The following LTBP2 variants were observed in gnomAD, a reference collection of about 807,000 sequenced individuals.
The protein encoded by LTBP2 is latent transforming growth factor beta binding protein 2.
Under a neutral mutation model 210.6 loss-of-function variants are expected in LTBP2, and 103 were observed. That is an observed-to-expected ratio of 0.49 (90% CI 0.42 to 0.58). LTBP2 has a LOEUF of 0.58. LTBP2 is among the 20% of genes least tolerant of loss of function. The pLI, the probability that LTBP2 is intolerant of heterozygous loss-of-function variation, is 0.00. For missense variants in LTBP2, 2,313 were observed against 2,494.5 expected, an observed-to-expected ratio of 0.93 and a Z score of 1.55; for synonymous variants, 1,007 against 1,015.0, an observed-to-expected ratio of 0.99 and a Z score of 0.15.
chr14:74,519,051 G>GAAGA (rs1273508901), intron 17 of LTBP2, among the ~76,000 whole-genome samples: 2 of 152,222 alleles, frequency 1.3e-5, no homozygotes, highest in East Asian at 3.8e-4. Flanking sequence ...ACAGCCATAT[G>GAAGA]AAGATGGACT....
In LTBP2 at chr14:74,521,979, C is replaced by T. The variant is rs772892214; in HGVS notation, c.2720G>A (p.Gly907Glu). Residue 907 changes from glycine to glutamate, a missense_variant, in exon 17 of 36, where the codon GGG becomes GAG. By Grantham distance (98) the Gly-to-Glu change is moderately conservative. Transcript: ENST00000261978. ...AGGGTAGCAGAAGCAGGAGTAGGACCCCACGCGGTTGATGCAGCGCCCTTT... is the reference window on the plus strand; with the variant it reads ...AGGGTAGCAGAAGCAGGAGTAGGACTCCACGCGGTTGATGCAGCGCCCTTT... Reference protein sequence around the residue: ...KGKGRCINRVGSYSCFCYPGY... With the variant: ...KGKGRCINRVESYSCFCYPGY... 13 of 1,614,024 alleles carry T rather than the reference C, an allele frequency of 8.1e-6. No homozygotes were observed. The highest frequency in any genetic ancestry group is 8.0e-5 in the African/African-American group (6 of 74,924).
At chr14:74,541,575 G>C (rs2087508939) in intron 8 of LTBP2, among the ~76,000 whole-genome samples, 1 of 152,104 alleles carries the variant, frequency 6.6e-6, no homozygotes, top group Non-Finnish European at 1.5e-5. Context: ...AGGCAGTCTA[G>C]CTCCAGAGGA....
chr14:74,500,712 A>C lies in LTBP2; in HGVS notation c.*172T>G. On this transcript the variant is annotated 3_prime_UTR_variant, in exon 36 of 36. Coordinates refer to ENST00000261978, the MANE Select transcript of LTBP2 (RefSeq NM_000428.3). ...TGAGCCAAGCAAGGGCATGGAGGCA[A>C]TGACCGAAGCTTACAGCCAGAGGCT... 1.2e-6 allele frequency: 1 copy of C among 836,750 alleles called. No individual in the cohort carries two copies. The highest frequency in any genetic ancestry group is 1.9e-6 in the Non-Finnish European group (1 of 513,732). 51.8% of individuals were successfully genotyped at this position (836,750 alleles called of 1,614,324 possible).
rs879770320 is a variant in LTBP2 at position 74,555,833 on chromosome 14, C to T, written c.831-140G>A. ...CTTCTCACCCATGTATGGCTGACTC[C>T]CAGACATGAAGGTGCCCTGAGGCAG... is the stretch of plus-strand genomic sequence containing the variant. On this transcript the variant is annotated intron_variant, in intron 3 of 35. Transcript: ENST00000261978. The T allele has an allele frequency of 8.9e-6, 5 of 561,928 alleles. No homozygotes were observed. The East Asian group carries it at 1.7e-4, about 19-fold the overall frequency. The allele number at this position is 561,928 out of a possible 1,614,324, so 34.8% of individuals were successfully genotyped here.
chr14:74,573,939 G>T (rs1467077291), intron 3 of LTBP2, among the ~76,000 whole-genome samples: 3 of 152,146 alleles, frequency 2.0e-5, no homozygotes, highest in Non-Finnish European at 4.4e-5. Context: ...CACGACTGGG[G>T]AGTAACCGAG....
intron 7 of LTBP2, 21 bp from the exon 8 acceptor site, chr14:74,549,986 C>T: frequency 1.4e-6 from 2 of 1,442,346 alleles, no homozygotes; most frequent in Non-Finnish European, 2.0e-6. Context: ...AGGCCATGGA[C>T]ACCTGTGACC....
intron 3 of LTBP2, among the ~76,000 whole-genome samples, chr14:74,575,867 TG>T (rs2139777311): frequency 6.6e-6 from 1 of 152,378 alleles, no homozygotes; most frequent in Admixed American, 6.5e-5. Flanking sequence ...CCATTGGATC[TG>T]GCTGGAGGCC....
chr14:74,526,250 T>C, intron 13 of LTBP2, 136 bp from the exon 14 acceptor site: 1 of 859,726 alleles, frequency 1.2e-6, no homozygotes, highest in Non-Finnish European at 1.9e-6. Context: ...CAGGTATTGA[T>C]GAGTTCTTAC....
intron 4 of LTBP2, among the ~76,000 whole-genome samples, chr14:74,554,135 C>T (rs925116289): frequency 3.3e-5 from 5 of 152,016 alleles, no homozygotes; most frequent in African/African-American, 1.2e-4. Context: ...CTCAAGATGG[C>T]GTGAAAGGAA....
chr14:74,504,590 C>T (rs1204238157), intron 30 of LTBP2, among the ~76,000 whole-genome samples, 188 bp downstream of exon 30: 2 of 152,204 alleles, frequency 1.3e-5, no homozygotes, highest in Non-Finnish European at 2.9e-5. Context: ...CTCATGTGGA[C>T]ACTCCAAGAG....
At chr14:74,568,863 C>T (rs1181446484) in intron 3 of LTBP2, among the ~76,000 whole-genome samples, 2 of 152,182 alleles carry the variant, frequency 1.3e-5, no homozygotes, top group African/African-American at 4.8e-5. Flanking sequence ...GTCTGGGCCT[C>T]ATCCTATGAA....
chr14:74,577,504 CTTTT>C (rs397948520), intron 3 of LTBP2, among the ~76,000 whole-genome samples: 1 of 135,958 alleles, frequency 7.4e-6, no homozygotes, highest in East Asian at 2.1e-4. Context: ...ACCATTATCT[CTTTT>C]TTTTTTTTTT....
intron 18 of LTBP2, among the ~76,000 whole-genome samples, chr14:74,513,532 G>T (rs2087097832): frequency 6.6e-6 from 1 of 152,230 alleles, no homozygotes; most frequent in Non-Finnish European, 1.5e-5. Flanking sequence ...GCTGGGCATG[G>T]TGACTCGCGC....
chr14:74,561,587 CT>C (rs1210921166), intron 3 of LTBP2, among the ~76,000 whole-genome samples: 1 of 152,082 alleles, frequency 6.6e-6, no homozygotes, highest in Non-Finnish European at 1.5e-5. Flanking sequence ...GTGTGTGTAC[CT>C]CCTATTTTAA....
At position 74,507,331 on chromosome 14, in the gene LTBP2, T is replaced by G. The variant is rs2087005105; in HGVS notation, c.3776-21A>C. 3.7e-6 allele frequency: 6 copies of G among 1,613,568 alleles called. No homozygotes were observed. The South Asian group carries it at 5.5e-5, about 15-fold the overall frequency. On this transcript the variant is annotated intron_variant, in intron 25 of 35. Coordinates refer to ENST00000261978, the MANE Select transcript of LTBP2 (RefSeq NM_000428.3). Reference sequence around the variant, plus strand: ...AATATCTGTCCCCAGAGCCATGCCATGAGAGAGGACAGAGGTGGCCAGGTC... The same window carrying G: ...AATATCTGTCCCCAGAGCCATGCCAGGAGAGAGGACAGAGGTGGCCAGGTC...
rs747686682 is a variant in LTBP2, at chr14:74,552,353, G to A, written c.1233C>T (p.Ile411=). 2.5e-5 allele frequency: 41 copies of A among 1,611,358 alleles called. No individual in the cohort carries two copies. Among genetic ancestry groups the A allele is most frequent in the Admixed American group, 5.0e-5 (3 of 59,998 alleles). Residue 411 remains isoleucine, a synonymous_variant, in exon 6 of 36, where the codon ATC becomes ATT. Transcript: ENST00000261978. ...CGGGGCACCAGCATTCGTCCCTGCC[G>A]ATGCAGCGGCCTCCGTTCAGGCAGG... ...QIPCLNGGRC[I]GRDECWCPAN...
At chr14:74,552,425 T>C in intron 5 of LTBP2, 32 bp from the exon 6 acceptor site, 1 of 1,588,718 alleles carries the variant, frequency 6.3e-7, no homozygotes. Context: ...TAACCAGCGG[T>C]GGAAGAACAG....
At position 74,505,240 on chromosome 14, in the gene LTBP2, CTTTA is replaced by C. The variant is rs540995579; in HGVS notation, c.4178-70_4178-67del. 402 of 1,541,254 alleles carry C rather than the reference CTTTA, an allele frequency of 2.6e-4. 2 individuals are homozygous for C. In the African/African-American group the frequency reaches 5.0e-3, roughly 19 times the overall value. On this transcript the variant is annotated intron_variant, in intron 28 of 35. Coordinates refer to ENST00000261978, the MANE Select transcript of LTBP2 (RefSeq NM_000428.3). ...TCTAAGGGGGGTCAATAGTCCTTGACTTTATTTCTTAAATTTAACATTTGTGTAG... is the reference window on the plus strand; with the variant it reads ...TCTAAGGGGGGTCAATAGTCCTTGACTTTCTTAAATTTAACATTTGTGTAG...
chr14:74,607,914 G>GTT (rs1403931240), intron 1 of LTBP2, among the ~76,000 whole-genome samples: 27 of 139,888 alleles, frequency 1.9e-4, no homozygotes, highest in East Asian at 2.1e-4. Context: ...ACTAGACTAT[G>GTT]TTTTTTTTTT....
Sources: allele counts gnomAD v4.1 joint callset (sites outside exome capture counted in the v4.1 genomes callset), GRCh38; gene constraint gnomAD v4.1.1; transcripts MANE v1.5; gene names NCBI Gene and HGNC (gene_info 2026-07-23, HGNC 2026-07-21).